IL12RB2: variants seen among roughly 807,000 people sequenced by gnomAD.
IL12RB2 encodes interleukin 12 receptor subunit beta 2, also known as interleukin-12 receptor subunit beta-2.
IL12RB2 carries 82 observed loss-of-function variants against 89.4 expected under a neutral mutation model. That is an observed-to-expected ratio of 0.92 (90% confidence interval 0.77 to 1.10). The LOEUF (loss-of-function observed/expected upper bound fraction) is 1.10, where lower values mean the gene tolerates loss of function less well. Ranked by LOEUF, IL12RB2 falls within the 50% of genes least tolerant of loss-of-function variation. IL12RB2 has a pLI of 0.00. For synonymous variants in IL12RB2, 368 were observed against 370.1 expected, an observed-to-expected ratio of 0.99 and a Z score of 0.07; for missense variants, 963 against 1,031.9, an observed-to-expected ratio of 0.93 and a Z score of 0.92.
intron 2 of IL12RB2, among the ~76,000 whole-genome samples, chr1:67,316,727 C>T (rs1032157111): frequency 2.2e-4 from 33 of 152,202 alleles, no homozygotes; most frequent in Admixed American, 1.4e-3. Flanking sequence ...TGTGCATTCA[C>T]CATTCCTCTG....
At chr1:67,318,338 G>T (rs1656051923) in intron 2 of IL12RB2, among the ~76,000 whole-genome samples, 1 of 152,168 alleles carries the variant, frequency 6.6e-6, no homozygotes, top group Non-Finnish European at 1.5e-5. Flanking sequence ...TCCAATAGTG[G>T]TGGTGTGCAG....
intron 10 of IL12RB2, among the ~76,000 whole-genome samples, chr1:67,357,407 A>G (rs1237841140): frequency 6.6e-6 from 1 of 152,166 alleles, no homozygotes; most frequent in Non-Finnish European, 1.5e-5. Flanking sequence ...AGCATGTTTT[A>G]TTAGAATAAC....
At chr1:67,314,823 T>G in intron 2 of IL12RB2, among the ~76,000 whole-genome samples, 1 of 146,334 alleles carries the variant, frequency 6.8e-6, no homozygotes, top group Non-Finnish European at 1.5e-5. Flanking sequence ...TTCTGGCTTG[T>G]TCCCGCCCAC....
At position 67,346,378 on chromosome 1, in the gene IL12RB2, ATTTTTTTTTTTTTTT is replaced by A. The variant is rs10577525; in HGVS notation, c.1039-4479_1039-4465del. ...TAAAATGTCCAGGTGAGGGTTGTCT[ATTTTTTTTTTTTTTT>A]TTTTTTTTTTTTCGACAGGTTCTCA... On this transcript the variant is annotated intron_variant, in intron 9 of 16. Transcript: ENST00000674203. 3.9e-4 allele frequency among the ~76,000 whole-genome samples: 37 copies of A among 93,840 alleles called. 1 individual carries two copies. The highest frequency in any genetic ancestry group is 1.8e-3 in the African/African-American group (35 of 19,438). The allele number at this position is 93,840 out of a possible 152,430, so 61.6% of individuals were successfully genotyped here.
intron 14 of IL12RB2, among the ~76,000 whole-genome samples, chr1:67,386,208 CA>C (rs755471388): frequency 4.4e-3 from 239 of 54,562 alleles, no homozygotes; most frequent in African/African-American, 0.013. Context: ...GACTCCATCT[CA>C]AAAAAAAAAA....
Position 67,329,746 on chromosome 1 carries a change from T to C in IL12RB2, c.807+17T>C. On this transcript the variant is annotated intron_variant, in intron 7 of 16. Transcript: ENST00000674203. Reference sequence around the variant, plus strand: ...TGGAATATGGTAATTATCTTTAGAGTGAAGGAAAAAACACTGAAGCATTCT... The same window carrying C: ...TGGAATATGGTAATTATCTTTAGAGCGAAGGAAAAAACACTGAAGCATTCT... 1 of 1,580,260 alleles carries C rather than the reference T, an allele frequency of 6.3e-7. No individual in the cohort carries two copies. The highest frequency in any genetic ancestry group is 8.7e-7 in the Non-Finnish European group (1 of 1,149,486).
chr1:67,352,417 A>G (rs1660948162), intron 10 of IL12RB2, among the ~76,000 whole-genome samples: 1 of 152,178 alleles, frequency 6.6e-6, no homozygotes, highest in Non-Finnish European at 1.5e-5. Flanking sequence ...TATGATGGAA[A>G]TGGTCCAAAA....
intron 2 of IL12RB2, 115 bp from the exon 3 acceptor site, chr1:67,320,217 CA>C: frequency 6.8e-7 from 1 of 1,481,026 alleles, no homozygotes; most frequent in Non-Finnish European, 9.1e-7. Flanking sequence ...TTTAAAATAA[CA>C]AGATCTCAAC....
intron 10 of IL12RB2, 91 bp from the exon 11 acceptor site, chr1:67,367,734 C>T (rs1213700059): frequency 1.4e-5 from 11 of 794,754 alleles, no homozygotes; most frequent in Non-Finnish European, 2.1e-5. Context: ...AAAACTTTTT[C>T]GTTGGGATAA....
At position 67,396,099 on chromosome 1, in the gene IL12RB2, C is replaced by T; in HGVS notation, c.*10C>T. 1.3e-6 allele frequency: 2 copies of T among 1,536,482 alleles called. No individual in the cohort carries two copies. The highest frequency in any genetic ancestry group is 1.8e-6 in the Non-Finnish European group (2 of 1,109,728). ...CTCCCTCATGCTCTGAGTGGTGAGG[C>T]TTCAAGCCTTAAAGTCAGTGTGCCC... On this transcript the variant is annotated 3_prime_UTR_variant, in exon 17 of 17. Transcript: ENST00000674203.
At chr1:67,333,319 A>T (rs1658333163) in intron 8 of IL12RB2, among the ~76,000 whole-genome samples, 1 of 151,244 alleles carries the variant, frequency 6.6e-6, no homozygotes, top group Non-Finnish European at 1.5e-5. Context: ...TTTTTTTAAC[A>T]CGTCTTCCTT....
At chr1:67,363,541 AATAG>A (rs773020685) in intron 10 of IL12RB2, among the ~76,000 whole-genome samples, 118 of 151,894 alleles carry the variant, frequency 7.8e-4, no homozygotes, top group Non-Finnish European at 1.2e-3. Flanking sequence ...TAATTGACCT[AATAG>A]ATAGCAGTTT....
intron 5 of IL12RB2, 120 bp downstream of exon 5, chr1:67,326,969 T>TTATTTATA (rs1389335687): frequency 2.5e-6 from 2 of 810,130 alleles, no homozygotes; most frequent in Admixed American, 1.2e-4. Context: ...ATTTATTTAT[T>TTATTTATA]TATTTATTTT....
At chr1:67,393,597 C>A (rs1040326807) in intron 16 of IL12RB2, among the ~76,000 whole-genome samples, 2 of 152,228 alleles carry the variant, frequency 1.3e-5, no homozygotes, top group African/African-American at 4.8e-5. Context: ...AGAGCAGTCT[C>A]CCCGAAGTGA....
intron 10 of IL12RB2, among the ~76,000 whole-genome samples, chr1:67,351,478 T>G (rs17838053): frequency 0.046 from 7,037 of 152,238 alleles, 226 homozygotes; most frequent in Admixed American, 0.069. Context: ...TCAGAAAACA[T>G]TTTACACCTA....
intron 10 of IL12RB2, among the ~76,000 whole-genome samples, chr1:67,357,935 G>A (rs1456974462): frequency 2.0e-5 from 3 of 151,742 alleles, no homozygotes; most frequent in African/African-American, 7.3e-5. Context: ...TTAGAGTAGA[G>A]GAAAAAAATG....
rs71062413 is a variant in IL12RB2, at chr1:67,342,761, C to CTTTTTTTTTTTTTTT, written c.1038+4060_1038+4074dup. On this transcript the variant is annotated intron_variant, in intron 9 of 16. Coordinates refer to ENST00000674203, the MANE Select transcript of IL12RB2 (RefSeq NM_001374259.2). ...CTTGTACTACTTTTTAAAATCACAC[C>CTTTTTTTTTTTTTTT]TTTTTTTTTTTTTTTTGAGACAGGG... 1.5e-5 allele frequency among the ~76,000 whole-genome samples: 2 copies of CTTTTTTTTTTTTTTT among 137,168 alleles called. 1 individual carries two copies. 90.0% of individuals were successfully genotyped at this position (137,168 alleles called of 152,430 possible).
At chr1:67,389,877 T>C (rs1557479999) in intron 15 of IL12RB2, 152 bp from the exon 16 acceptor site, 2 of 656,450 alleles carry the variant, frequency 3.0e-6, no homozygotes, top group Non-Finnish European at 5.6e-6. Context: ...ACTACCGTAG[T>C]CTTGGATGAT....
intron 10 of IL12RB2, among the ~76,000 whole-genome samples, chr1:67,362,288 C>T (rs972754463): frequency 2.6e-5 from 4 of 151,000 alleles, no homozygotes; most frequent in Non-Finnish European, 4.4e-5. Context: ...AAAAAGAGGC[C>T]GGGCGCGGTG....
Sources: allele counts gnomAD v4.1 joint callset (sites outside exome capture counted in the v4.1 genomes callset), GRCh38; gene constraint gnomAD v4.1.1; transcripts MANE v1.5; gene names NCBI Gene and HGNC (gene_info 2026-07-23, HGNC 2026-07-21).